The following DIAPH2 variants were observed in gnomAD, a reference collection of about 807,000 sequenced individuals.
DIAPH2 encodes the protein protein diaphanous homolog 2.
A neutral mutation model predicts 92.7 loss-of-function variants in DIAPH2; 35 were observed. The observed-to-expected ratio is 0.38, with a 90% CI of 0.29 to 0.50. The LOEUF is 0.50. Ranked by LOEUF, DIAPH2 falls within the 20% of genes least tolerant of loss-of-function variation. The pLI, the probability that DIAPH2 is intolerant of heterozygous loss-of-function variation, is 0.94. For synonymous variants in DIAPH2, 301 were observed against 280.4 expected (o/e 1.07, Z -0.73); for missense variants, 701 against 819.5 (o/e 0.86, Z 1.77).
chrX:97,027,385 TTG>T (rs1471495985), intron 17 of DIAPH2, among the ~76,000 whole-genome samples: 1 of 112,352 alleles, frequency 8.9e-6, no homozygotes, highest in Non-Finnish European at 1.9e-5. Context: ...CAATACTTAA[TTG>T]TGTTACAACT....
chrX:97,255,179 T>C (rs1442659687), intron 23 of DIAPH2, among the ~76,000 whole-genome samples: 2 of 111,653 alleles, frequency 1.8e-5, no homozygotes, highest in Admixed American at 1.9e-4. Flanking sequence ...TAGACCTGTT[T>C]GAAAATCTGA....
At chrX:96,815,871 C>T (rs1272519186) in intron 4 of DIAPH2, among the ~76,000 whole-genome samples, 1 of 110,823 alleles carries the variant, frequency 9.0e-6, no homozygotes, top group Non-Finnish European at 1.9e-5. Context: ...GGTTTCACCA[C>T]GTTGCCCAGG....
intron 17 of DIAPH2, among the ~76,000 whole-genome samples, chrX:97,048,372 T>G (rs2066498545): frequency 9.0e-6 from 1 of 111,549 alleles, no homozygotes; most frequent in African/African-American, 3.2e-5. Flanking sequence ...ATAGCATTCC[T>G]TATGATTAGA....
At chrX:97,211,889 C>T (rs900028609) in intron 22 of DIAPH2, among the ~76,000 whole-genome samples, 1 of 111,672 alleles carries the variant, frequency 9.0e-6, no homozygotes, top group African/African-American at 3.2e-5. Context: ...AAATTTGCAA[C>T]TTTGAAGATT....
chrX:97,041,578 A>G (rs2066448728), intron 17 of DIAPH2, among the ~76,000 whole-genome samples: 1 of 111,725 alleles, frequency 9.0e-6, no homozygotes, highest in African/African-American at 3.2e-5. Context: ...GTGTAAGCCA[A>G]TGGGAAATTT....
rs1193000363 is a variant in DIAPH2, at chrX:97,301,620, C to G, written c.2845-46496C>G. Among the ~76,000 whole-genome samples the G allele has an allele frequency of 4.5e-5, 5 of 111,409 alleles. 1 individual carries two copies. Among genetic ancestry groups the G allele is most frequent in the African/African-American group, 1.6e-4 (5 of 30,403 alleles). The stretch of plus-strand genomic sequence containing the variant: ...TGTTTTTAAGTCTTAAACAAAATTT[C>G]AAATCCAGAGATTTGTGGGACCAAA... On this transcript the variant is annotated intron_variant, in intron 23 of 26. Coordinates refer to ENST00000324765, the MANE Select transcript of DIAPH2 (RefSeq NM_006729.5).
At chrX:97,142,180 G>A (rs1174654529) in intron 22 of DIAPH2, among the ~76,000 whole-genome samples, 2 of 111,566 alleles carry the variant, frequency 1.8e-5, no homozygotes, top group Non-Finnish European at 3.8e-5. Context: ...TGAGAAAAAT[G>A]TGTGTATATA....
At chrX:97,447,527 C>T (rs1016559252) in intron 26 of DIAPH2, among the ~76,000 whole-genome samples, 13 of 111,210 alleles carry the variant, frequency 1.2e-4, no homozygotes, top group Non-Finnish European at 3.8e-5. Context: ...TAATGGAGAC[C>T]GGGCAAGAGT....
chrX:97,517,253 G>A (rs942924854), intron 26 of DIAPH2, among the ~76,000 whole-genome samples: 1 of 112,086 alleles, frequency 8.9e-6, no homozygotes, highest in Non-Finnish European at 1.9e-5. Flanking sequence ...ATTCATTGTG[G>A]TCAGACAGCA....
At chrX:96,807,242 C>T (rs2064635136) in intron 4 of DIAPH2, among the ~76,000 whole-genome samples, 1 of 111,998 alleles carries the variant, frequency 8.9e-6, no homozygotes, top group Admixed American at 9.4e-5. Flanking sequence ...AGTTAACTAT[C>T]ATAGGTCTGA....
At chrX:97,490,547 A>T (rs1449254589) in intron 26 of DIAPH2, among the ~76,000 whole-genome samples, 8 of 108,431 alleles carry the variant, frequency 7.4e-5, no homozygotes, top group Admixed American at 3.0e-4. Flanking sequence ...TTTTATCACC[A>T]TAAATATCCC....
At chrX:97,070,260 C>A (rs1368062323) in intron 17 of DIAPH2, among the ~76,000 whole-genome samples, 1 of 110,618 alleles carries the variant, frequency 9.0e-6, no homozygotes, top group Non-Finnish European at 1.9e-5. Context: ...AACCTGAGGA[C>A]CATAGGGCAA....
At chrX:97,525,142 G>A (rs914155586) in intron 26 of DIAPH2, among the ~76,000 whole-genome samples, 4 of 111,977 alleles carry the variant, frequency 3.6e-5, no homozygotes, top group Admixed American at 9.5e-5. Flanking sequence ...TATCCTGCCC[G>A]TTTTCCTTCC....
At chrX:96,771,443 G>A (rs1445961933) in intron 4 of DIAPH2, among the ~76,000 whole-genome samples, 1 of 111,367 alleles carries the variant, frequency 9.0e-6, no homozygotes, top group Non-Finnish European at 1.9e-5. Flanking sequence ...TTTAAGACTA[G>A]TATAGCCATT....
intron 26 of DIAPH2, among the ~76,000 whole-genome samples, chrX:97,567,972 C>T (rs1473800557): frequency 1.9e-5 from 2 of 107,880 alleles, no homozygotes; most frequent in East Asian, 2.9e-4. Flanking sequence ...AAAAATTAGC[C>T]GGGCATGGTG....
intron 17 of DIAPH2, among the ~76,000 whole-genome samples, chrX:97,071,560 G>A (rs1334476244): frequency 2.7e-5 from 3 of 111,021 alleles, no homozygotes; most frequent in African/African-American, 9.8e-5. Flanking sequence ...GTAAAATTTA[G>A]CACTGTTAGG....
chrX:97,148,400 G>T (rs1260416514), intron 22 of DIAPH2, among the ~76,000 whole-genome samples: 1 of 112,029 alleles, frequency 8.9e-6, no homozygotes, highest in Non-Finnish European at 1.9e-5. Flanking sequence ...CATTTTGACA[G>T]AATTAACCAT....
At chrX:97,551,107 T>C (rs769346817) in intron 26 of DIAPH2, among the ~76,000 whole-genome samples, 39 of 111,183 alleles carry the variant, frequency 3.5e-4, no homozygotes, top group Non-Finnish European at 5.7e-4. Context: ...AGAAGGTGAT[T>C]TTAAAAAGCC....
chrX:96,799,531 C>T (rs1477011953), intron 4 of DIAPH2, among the ~76,000 whole-genome samples: 1 of 112,069 alleles, frequency 8.9e-6, no homozygotes, highest in Non-Finnish European at 1.9e-5. Context: ...CTTTCTTGGC[C>T]GGGCGCAGTG....
Sources: gnomAD v4.1 joint callset for allele counts (sites outside exome capture counted in the v4.1 genomes callset) on GRCh38, gnomAD v4.1.1 for gene constraint, MANE v1.5 for transcripts, NCBI Gene and HGNC (gene_info 2026-07-23, HGNC 2026-07-21) for gene names.